Variants in LMNTD2 observed in about 807,000 individuals in gnomAD.
LMNTD2 encodes lamin tail domain-containing protein 2.
LMNTD2 carries 83 observed loss-of-function variants against 70.1 expected under a neutral mutation model. The ratio of observed to expected loss-of-function variants is 1.18; its 90% CI spans 0.99 to 1.42. The LOEUF (loss-of-function observed/expected upper bound fraction) is 1.42, where lower values mean the gene tolerates loss of function less well. Ranked by LOEUF, LMNTD2 falls within the 40% of genes most tolerant of loss-of-function variation. The pLI is 0.00. For synonymous variants in LMNTD2, 534 were observed against 406.1 expected (o/e 1.31, Z -3.79); for missense variants, 1,153 against 905.9 (o/e 1.27, Z -3.50).
intron 8 of LMNTD2, 70 bp from the exon 9 acceptor site, chr11:556,658 C>A: frequency 1.4e-6 from 2 of 1,421,368 alleles, no homozygotes; most frequent in South Asian, 1.5e-5. Context: ...CCCGTGAGGT[C>A]AGAACAGGCC....
intron 1 of LMNTD2, chr11:560,205 C>A: frequency 1.3e-6 from 1 of 746,434 alleles, no homozygotes; most frequent in Non-Finnish European, 1.6e-6. Flanking sequence ...ACAACTCTTT[C>A]TGAGCTGGGC....
rs11246188 is a variant in LMNTD2, at chr11:558,369, C to A, written c.312-121G>T. 3.5e-4 allele frequency: 414 copies of A among 1,198,156 alleles called. 1 individual carries two copies. The African/African-American group carries it at 5.7e-3, about 16-fold the overall frequency. The allele number at this position is 1,198,156 out of a possible 1,614,324, so 74.2% of individuals were successfully genotyped here. Reference sequence around the variant, plus strand: ...CTGCCACCTTGGCCCCAAGGGCACACAGTACAGCCCCGCTGGGGCTGGCCA... The same window carrying A: ...CTGCCACCTTGGCCCCAAGGGCACAAAGTACAGCCCCGCTGGGGCTGGCCA... On this transcript the variant is annotated intron_variant, in intron 3 of 13. Coordinates refer to ENST00000329451, the MANE Select transcript of LMNTD2 (RefSeq NM_173573.3).
chr11:555,126 G>A lies in LMNTD2; in HGVS notation c.1774-15C>T. On this transcript the variant is annotated splice_polypyrimidine_tract_variant and intron_variant, in intron 13 of 13. Transcript: ENST00000329451. ...TTCCGGCACACCTGGGGGGCGCGGG[G>A]GCTGAGAGGCGCGCGGGGCGGGGCG... The A allele has an allele frequency of 7.2e-7, 1 of 1,390,848 alleles. No individual in the cohort carries two copies. Among genetic ancestry groups the A allele is most frequent in the Non-Finnish European group, 9.4e-7 (1 of 1,060,354 alleles). The allele number at this position is 1,390,848 out of a possible 1,614,324, so 86.2% of individuals were successfully genotyped here. A position where few individuals can be genotyped will look rare whatever the true frequency, so the allele number is the denominator to read the frequency against.
At chr11:558,443 G>T in intron 3 of LMNTD2, 171 bp downstream of exon 3, 4 of 1,070,200 alleles carry the variant, frequency 3.7e-6, no homozygotes, top group Non-Finnish European at 5.3e-6. Context: ...ACATGCGCAG[G>T]GTTAGGGTGG....
Position 560,664 on chromosome 11 carries a change from A to T in LMNTD2, c.34+19T>A. The T allele has an allele frequency of 1.4e-6, 2 of 1,420,610 alleles. No homozygotes were observed. Among genetic ancestry groups the T allele is most frequent in the Non-Finnish European group, 9.3e-7 (1 of 1,077,196 alleles). The allele number at this position is 1,420,610 out of a possible 1,614,324, so 88.0% of individuals were successfully genotyped here. A position where few individuals can be genotyped will look rare whatever the true frequency, so the allele number is the denominator to read the frequency against. On this transcript the variant is annotated intron_variant, in intron 1 of 13. Coordinates refer to ENST00000329451, the MANE Select transcript of LMNTD2 (RefSeq NM_173573.3). Reference sequence around the variant, plus strand: ...AGGCTGCTGAGGAAGTCGGCCCAGGAGCGGGGCCAGACACCTACCCCGACG... The same window carrying T: ...AGGCTGCTGAGGAAGTCGGCCCAGGTGCGGGGCCAGACACCTACCCCGACG...
At chr11:557,162 C>G (rs975880134) in intron 7 of LMNTD2, 65 bp from the exon 8 acceptor site, 1 of 1,500,820 alleles carries the variant, frequency 6.7e-7, no homozygotes, top group African/African-American at 1.4e-5. Context: ...CCCGTCCAGC[C>G]TCACAAGGCA....
At chr11:556,457 T>C (rs28407128) in intron 9 of LMNTD2, 35 bp downstream of exon 9, 1,419,920 of 1,548,666 alleles carry the variant, frequency 0.92, 651,950 homozygotes, top group Admixed American at 0.95. Context: ...CCAGCTCCAG[T>C]CCGGCGCCGG....
rs2134098987 is a variant in LMNTD2, at chr11:557,050, G to A, written c.761C>T (p.Ser254Phe). 6.2e-7 allele frequency: 1 copy of A among 1,608,562 alleles called. No homozygotes were observed. Among genetic ancestry groups the A allele is most frequent in the East Asian group, 2.2e-5 (1 of 44,782 alleles). Residue 254 changes from serine (S) to phenylalanine (F), a missense_variant, in exon 8 of 14, where the codon TCT becomes TTT. Coordinates refer to ENST00000329451, the MANE Select transcript of LMNTD2 (RefSeq NM_173573.3). ...GTGATGCCGCTCGGAATGCTTTCCA[G>A]AGGACTCTGGGCTCCCTGTGTCCAG... ...PQLDTGSPES[S>F]GKHSERHHKT...
At chr11:556,465 C>T (rs769511035) in intron 9 of LMNTD2, 27 bp downstream of exon 9, 16 of 1,549,494 alleles carry the variant, frequency 1.0e-5, no homozygotes, top group Non-Finnish European at 1.4e-5. Flanking sequence ...AGTCCGGCGC[C>T]GGAGGCTTGG....
At position 556,539 on chromosome 11, in the gene LMNTD2, G is replaced by C. The variant is rs773482700; in HGVS notation, c.1026C>G (p.Pro342=). 13 of 1,562,230 alleles carry C rather than the reference G, an allele frequency of 8.3e-6. No individual in the cohort carries two copies. In the South Asian group the frequency reaches 1.5e-4, roughly 18 times the overall value. Residue 342 remains proline, a synonymous_variant, in exon 9 of 14, where the codon CCC becomes CCG. Transcript: ENST00000329451. ...SPRHGEPVLS[P]QPCTDPDHWS... ...AGTGGTCCGGGTCTGTGCAGGGCTG[G>C]GGCGACAGGACCGGCTCGCCGTGCC... is the stretch of plus-strand genomic sequence containing the variant.
Position 559,095 on chromosome 11 carries a change from C to T in LMNTD2, c.35-116G>A, listed in dbSNP as rs542440806. 9.2e-6 allele frequency: 14 copies of T among 1,523,444 alleles called. No individual in the cohort carries two copies. The East Asian group carries it at 1.4e-4, about 15-fold the overall frequency. 94.4% of individuals were successfully genotyped at this position (1,523,444 alleles called of 1,614,324 possible). ...GGGTGGGGGGCCCGTCTGCCGTGTG[C>T]GCCTCGTGTGGCCACACAGGTTGGA... is the stretch of plus-strand genomic sequence containing the variant. On this transcript the variant is annotated intron_variant, in intron 1 of 13. Transcript: ENST00000329451.
intron 1 of LMNTD2, chr11:559,744 A>G: frequency 3.8e-5 from 40 of 1,060,332 alleles, no homozygotes; most frequent in Non-Finnish European, 4.6e-5. Context: ...ACTCCTGCCC[A>G]CAGCCTGTTT....
At chr11:560,199 C>A in intron 1 of LMNTD2, 1 of 713,192 alleles carries the variant, frequency 1.4e-6, no homozygotes, top group Non-Finnish European at 1.7e-6. Context: ...ACGCCCACAA[C>A]TCTTTCTGAG....
chr11:556,795 G>A (rs574356953), intron 8 of LMNTD2, 40 bp downstream of exon 8: 6 of 1,508,508 alleles, frequency 4.0e-6, no homozygotes, highest in South Asian at 1.3e-5. Context: ...GGGGTGGAGG[G>A]TGGGTGAAGG....
At chr11:560,324 G>A in intron 1 of LMNTD2, 1 of 1,096,168 alleles carries the variant, frequency 9.1e-7, no homozygotes, top group Non-Finnish European at 1.1e-6. Flanking sequence ...TGTGTGCATG[G>A]CCTGGCACTG....
Position 556,889 on chromosome 11 carries a change from C to A in LMNTD2, c.922G>T (p.Ala308Ser). The A allele has an allele frequency of 6.3e-7, 1 of 1,595,480 alleles. No homozygotes were observed. The highest frequency in any genetic ancestry group is 1.1e-5 in the South Asian group (1 of 88,818). ...TGCACCAGCGCTTGCTCGGAGGAAG[C>A]GCGGTGGTCCCGGGGCGGGTGCCCT... ...VIGHPPRDHR[A>S]SSEQALVQAG... is the part of the protein sequence containing the mutation. Residue 308 changes from alanine (A) to serine (S), a missense_variant, in exon 8 of 14, where the codon GCT becomes TCT. Ala to Ser is a moderately conservative substitution (Grantham distance 99). Transcript: ENST00000329451.
At chr11:559,109 A>G in intron 1 of LMNTD2, 130 bp from the exon 2 acceptor site, 1 of 1,507,230 alleles carries the variant, frequency 6.6e-7, no homozygotes, top group Admixed American at 2.1e-5. Flanking sequence ...TCGTGTGGCC[A>G]CACAGGTTGG....
Position 557,630 on chromosome 11 carries a change from G to A in LMNTD2, c.566C>T (p.Ala189Val). 6.2e-7 allele frequency: 1 copy of A among 1,613,154 alleles called. No individual in the cohort carries two copies. Among genetic ancestry groups the A allele is most frequent in the Non-Finnish European group, 8.5e-7 (1 of 1,179,860 alleles). Residue 189 changes from alanine to valine, a missense_variant, in exon 6 of 14, where the codon GCA becomes GTA. Ala to Val is a moderately conservative substitution (Grantham distance 64). Coordinates refer to ENST00000329451, the MANE Select transcript of LMNTD2 (RefSeq NM_173573.3). ...SQTGSVEVVT[A>V]ETLMDPSDLS... is the part of the protein sequence containing the mutation. ...GTCGCTTGGGTCCATCAGAGTCTCT[G>A]CCGTCACTACCTGCAAGAGGGGACC...
chr11:556,460 GGC>G, intron 9 of LMNTD2, 30 bp downstream of exon 9: 1 of 1,549,116 alleles, frequency 6.5e-7, no homozygotes, highest in Non-Finnish European at 8.7e-7. Flanking sequence ...GCTCCAGTCC[GGC>G]GCCGGAGGCT....
Sources: gnomAD v4.1 joint callset for allele counts on GRCh38, gnomAD v4.1.1 for gene constraint, MANE v1.5 for transcripts, NCBI Gene and HGNC (gene_info 2026-07-23, HGNC 2026-07-21) for gene names.